PCDH9: variants seen among roughly 807,000 people sequenced by gnomAD.
PCDH9 encodes protocadherin-9.
A neutral mutation model predicts 70.6 loss-of-function variants in PCDH9; 24 were observed. The ratio of observed to expected loss-of-function variants is 0.34; its 90% CI spans 0.25 to 0.48. PCDH9 has a LOEUF of 0.48. PCDH9 is among the 20% of genes least tolerant of loss of function. The probability of loss-of-function intolerance (pLI) is 0.99; values close to 1 mark genes in which losing one functional copy is unlikely to be tolerated. For synonymous variants in PCDH9, 562 were observed against 558.5 expected, an observed-to-expected ratio of 1.01 and a Z score of -0.09; for missense variants, 1,281 against 1,503.6, an observed-to-expected ratio of 0.85 and a Z score of 2.45.
intron 3 of PCDH9, among the ~76,000 whole-genome samples, chr13:66,786,859 A>C (rs1462340370): frequency 6.6e-6 from 1 of 152,220 alleles, no homozygotes; most frequent in Non-Finnish European, 1.5e-5. Flanking sequence ...GAGATAAAAA[A>C]ATTCTCATCA....
At chr13:67,127,247 GA>G (rs1471102074) in intron 2 of PCDH9, among the ~76,000 whole-genome samples, 6 of 152,224 alleles carry the variant, frequency 3.9e-5, no homozygotes, top group South Asian at 2.1e-4. Context: ...GAACTCAATG[GA>G]AAAACAGGTG....
chr13:67,007,364 A>C (rs899104530), intron 2 of PCDH9, among the ~76,000 whole-genome samples: 1 of 152,210 alleles, frequency 6.6e-6, no homozygotes, highest in East Asian at 1.9e-4. Context: ...AAATCTGTTA[A>C]TACATTTATG....
chr13:66,721,365 A>T (rs1234301526), intron 3 of PCDH9, among the ~76,000 whole-genome samples: 1 of 152,186 alleles, frequency 6.6e-6, no homozygotes, highest in African/African-American at 2.4e-5. Flanking sequence ...CATAATGTAC[A>T]TTGGCATTTT....
chr13:66,626,796 T>A (rs1239523787), intron 4 of PCDH9, among the ~76,000 whole-genome samples: 1 of 152,220 alleles, frequency 6.6e-6, no homozygotes, highest in Non-Finnish European at 1.5e-5. Context: ...GCAAACAATT[T>A]GTTTTTGGCA....
chr13:67,023,604 T>C (rs1451434754), intron 2 of PCDH9, among the ~76,000 whole-genome samples: 2 of 152,136 alleles, frequency 1.3e-5, no homozygotes, highest in East Asian at 1.9e-4. Context: ...TCAATTTGTA[T>C]CAAAGACTGG....
At chr13:66,569,064 C>T (rs1035406835) in intron 4 of PCDH9, among the ~76,000 whole-genome samples, 5 of 134,068 alleles carry the variant, frequency 3.7e-5, no homozygotes, top group African/African-American at 1.1e-4. Flanking sequence ...ATCCGTGGCA[C>T]GATCTCAACT....
chr13:66,950,522 A>C (rs2083163018), intron 2 of PCDH9, among the ~76,000 whole-genome samples: 1 of 151,846 alleles, frequency 6.6e-6, no homozygotes. Flanking sequence ...TAACATTCCT[A>C]GTTAAGATGT....
At chr13:66,631,066 T>C (rs1441249280) in intron 4 of PCDH9, 144 bp downstream of exon 4, 4 of 590,186 alleles carry the variant, frequency 6.8e-6, no homozygotes, top group Non-Finnish European at 6.1e-6. Flanking sequence ...TAAATGTATA[T>C]CTCAAAGAAT....
At chr13:67,221,582 A>G (rs566233531) in intron 2 of PCDH9, 1 of 152,258 alleles carries the variant, frequency 6.6e-6, no homozygotes, top group South Asian at 2.1e-4. Context: ...CAGTTTACCC[A>G]GAACCAATGT....
At chr13:66,380,015 A>AAT (rs904340621) in intron 4 of PCDH9, among the ~76,000 whole-genome samples, 5 of 152,160 alleles carry the variant, frequency 3.3e-5, no homozygotes, top group East Asian at 3.9e-4. Flanking sequence ...TTTCACGTAG[A>AAT]ATATATATAT....
intron 2 of PCDH9, among the ~76,000 whole-genome samples, chr13:67,025,348 A>T (rs2139870069): frequency 6.6e-6 from 1 of 152,286 alleles, no homozygotes; most frequent in African/African-American, 2.4e-5. Context: ...CAATTTGTGA[A>T]TGTTCAAGAA....
chr13:66,725,100 A>G (rs906576062), intron 3 of PCDH9, among the ~76,000 whole-genome samples: 10 of 151,366 alleles, frequency 6.6e-5, no homozygotes, highest in Non-Finnish European at 1.3e-4. Flanking sequence ...ACACCCCCAC[A>G]CTCCCTAAAT....
chr13:66,504,300 T>C (rs781080536), intron 4 of PCDH9, among the ~76,000 whole-genome samples: 3 of 152,230 alleles, frequency 2.0e-5, no homozygotes, highest in Non-Finnish European at 4.4e-5. Flanking sequence ...TTGTAATCAT[T>C]GTAAATCTTA....
chr13:66,925,022 A>T (rs2082695270), intron 2 of PCDH9, among the ~76,000 whole-genome samples: 3 of 151,862 alleles, frequency 2.0e-5, no homozygotes, highest in Non-Finnish European at 4.4e-5. Flanking sequence ...TCAGCAAATG[A>T]TCTGAAACTG....
intron 4 of PCDH9, among the ~76,000 whole-genome samples, chr13:66,542,736 A>C (rs1180306565): frequency 1.4e-5 from 2 of 147,316 alleles, no homozygotes; most frequent in Non-Finnish European, 3.0e-5. Context: ...ATATATAAAT[A>C]TATATCTCCG....
chr13:66,501,621 T>C (rs1013986693), intron 4 of PCDH9, among the ~76,000 whole-genome samples: 17 of 152,212 alleles, frequency 1.1e-4, no homozygotes, highest in Admixed American at 9.8e-4. Context: ...AAAAAGTCTC[T>C]TTCTCAATAG....
intron 3 of PCDH9, among the ~76,000 whole-genome samples, chr13:66,726,700 C>T (rs1415029527): frequency 1.3e-5 from 2 of 152,152 alleles, no homozygotes; most frequent in East Asian, 3.9e-4. Context: ...TACCAAAGAC[C>T]TCACATAAAG....
chr13:66,451,498 A>C (rs572207899), intron 4 of PCDH9, among the ~76,000 whole-genome samples: 2 of 152,324 alleles, frequency 1.3e-5, no homozygotes, highest in African/African-American at 4.8e-5. Flanking sequence ...ATTATTATTT[A>C]CTTAATATTT....
intron 3 of PCDH9, chr13:66,880,130 CT>C (rs2081896987): frequency 6.6e-6 from 1 of 152,168 alleles, no homozygotes; most frequent in Non-Finnish European, 1.5e-5. Flanking sequence ...AAACAAGAGG[CT>C]GGCTGCATTG....
Sources: gnomAD v4.1 joint callset for allele counts (sites outside exome capture counted in the v4.1 genomes callset) on GRCh38, gnomAD v4.1.1 for gene constraint, MANE v1.5 for transcripts, NCBI Gene and HGNC (gene_info 2026-07-23, HGNC 2026-07-21) for gene names.